The following TEK variants were observed in gnomAD, a reference collection of about 807,000 sequenced individuals.
The protein encoded by TEK is angiopoietin-1 receptor.
In TEK, 43 loss-of-function variants were observed where a neutral mutation model predicts 131.8. The ratio of observed to expected loss-of-function variants is 0.33; its 90% CI spans 0.26 to 0.42. The LOEUF is 0.42. Ranked by LOEUF, TEK falls within the 10% of genes least tolerant of loss-of-function variation. The pLI, the probability that TEK is intolerant of heterozygous loss-of-function variation, is 1.00. For synonymous variants in TEK, 580 were observed against 491.6 expected, an observed-to-expected ratio of 1.18 and a Z score of -2.38; for missense variants, 1,162 against 1,384.4, an observed-to-expected ratio of 0.84 and a Z score of 2.55.
chr9:27,139,574 T>C (rs942442777), intron 1 of TEK, among the ~76,000 whole-genome samples: 2 of 152,030 alleles, frequency 1.3e-5, no homozygotes, highest in African/African-American at 4.8e-5. Context: ...TCCGCCCACC[T>C]CGGCCTCCCA....
At chr9:27,218,020 G>A (rs1825884054) in intron 19 of TEK, among the ~76,000 whole-genome samples, 1 of 151,656 alleles carries the variant, frequency 6.6e-6, no homozygotes. Context: ...GCGAATTCTC[G>A]GACTCAACAG....
In TEK at chr9:27,197,501, A is replaced by G; in HGVS notation, c.1811A>G (p.Asn604Ser). Reference protein sequence around the residue: ...PGNLTSVLLNNLHPREQYVVR... With the variant: ...PGNLTSVLLNSLHPREQYVVR... ...AACTTGACTTCGGTGCTACTTAACA[A>G]CTTACATCCCAGGGAGCAGTACGTG... Residue 604 changes from asparagine to serine, a missense_variant, in exon 12 of 23, where the codon AAC (asparagine) becomes AGC (serine). Around this residue, in one of 6 missense-constraint regions of TEK, gnomAD observed 477 missense variants for 471.0 expected, o/e 1.01. Transcript: ENST00000380036. 6.2e-7 allele frequency: 1 copy of G among 1,614,096 alleles called. No homozygotes were observed. Among genetic ancestry groups the G allele is most frequent in the Non-Finnish European group, 8.5e-7 (1 of 1,180,000 alleles).
At chr9:27,146,718 C>CTTTTTTTT (rs1423361120) in intron 1 of TEK, among the ~76,000 whole-genome samples, 1 of 129,718 alleles carries the variant, frequency 7.7e-6, no homozygotes, top group African/African-American at 2.9e-5. Context: ...TATAAACATT[C>CTTTTTTTT]TATTTTTTTT....
In TEK at chr9:27,121,291, A is replaced by G. The variant is rs1821776083; in HGVS notation, c.52+11649A>G. Among the ~76,000 whole-genome samples, 6 of 152,216 alleles carry G rather than the reference A, an allele frequency of 3.9e-5. No homozygotes were observed. The South Asian group carries it at 6.2e-4, about 16-fold the overall frequency. On this transcript the variant is annotated intron_variant, in intron 1 of 22. Transcript: ENST00000380036. ...CAGTGAGCTGAGATCGTGCCATTGC[A>G]CTTCAGCCTGGGCGACAAGAGTGAA...
At chr9:27,128,378 G>A (rs1034142843) in intron 1 of TEK, among the ~76,000 whole-genome samples, 9 of 152,010 alleles carry the variant, frequency 5.9e-5, no homozygotes, top group Non-Finnish European at 1.0e-4. Flanking sequence ...TGGTTACTGT[G>A]GACTTGTAGT....
chr9:27,161,439 G>A lies in TEK; in HGVS notation c.364+3297G>A, dbSNP rs371129423. On this transcript the variant is annotated intron_variant, in intron 2 of 22. Transcript: ENST00000380036. Reference sequence around the variant, plus strand: ...AGAAGCATCGATTTACACAGTGAACGTTGTCCCTAAAAGCTTAGGTAAAGC... The same window carrying A: ...AGAAGCATCGATTTACACAGTGAACATTGTCCCTAAAAGCTTAGGTAAAGC... Among the ~76,000 whole-genome samples the A allele has an allele frequency of 1.5e-4, 23 of 152,304 alleles. No individual in the cohort carries two copies. The Middle Eastern group carries it at 0.014, about 90-fold the overall frequency.
At chr9:27,110,074 G>A (rs1228039845) in intron 1 of TEK, among the ~76,000 whole-genome samples, 1 of 151,794 alleles carries the variant, frequency 6.6e-6, no homozygotes, top group African/African-American at 2.4e-5. Context: ...AATTAAGGCA[G>A]TGTATAGATT....
At chr9:27,177,413 T>C (rs1824209818) in intron 6 of TEK, among the ~76,000 whole-genome samples, 1 of 152,166 alleles carries the variant, frequency 6.6e-6, no homozygotes, top group South Asian at 2.1e-4. Context: ...ATCAGTGAGG[T>C]TGAGTATTTT....
chr9:27,173,601 G>A (rs531114294), intron 6 of TEK, among the ~76,000 whole-genome samples: 2 of 152,224 alleles, frequency 1.3e-5, no homozygotes, highest in African/African-American at 4.8e-5. Context: ...ACTAAAGCAC[G>A]GATTCTGATT....
At chr9:27,174,350 T>C (rs1824084205) in intron 6 of TEK, among the ~76,000 whole-genome samples, 1 of 152,124 alleles carries the variant, frequency 6.6e-6, no homozygotes, top group African/African-American at 2.4e-5. Context: ...GGCAGAGCAG[T>C]TCAGTAGAAA....
At position 27,213,561 on chromosome 9, in the gene TEK, G is replaced by A. The variant is rs762142338; in HGVS notation, c.2955G>A (p.Leu985=). ...TGGCAAAAATAGCAGATTTTGGATTGTCCCGAGGTCAAGAGGTGTATGTGA... is the reference window on the plus strand; with the variant it reads ...TGGCAAAAATAGCAGATTTTGGATTATCCCGAGGTCAAGAGGTGTATGTGA... ...NYVAKIADFG[L]SRGQEVYVKK... Residue 985 remains leucine, a synonymous_variant, in exon 18 of 23, where the codon TTG becomes TTA. Coordinates refer to ENST00000380036, the MANE Select transcript of TEK (RefSeq NM_000459.5). 3.1e-6 allele frequency: 5 copies of A among 1,613,770 alleles called. No homozygotes were observed. The highest frequency in any genetic ancestry group is 4.2e-6 in the Non-Finnish European group (5 of 1,179,852).
intron 12 of TEK, 74 bp from the exon 13 acceptor site, chr9:27,202,746 T>C: frequency 6.7e-7 from 1 of 1,499,230 alleles, no homozygotes; most frequent in Non-Finnish European, 9.3e-7. Context: ...TGACATGAAC[T>C]CTATCTCAAA....
intron 21 of TEK, among the ~76,000 whole-genome samples, chr9:27,223,138 G>T (rs557847921): frequency 6.6e-6 from 1 of 151,312 alleles, no homozygotes; most frequent in South Asian, 2.1e-4. Context: ...AGTTCTTAGA[G>T]AACTGCAAAG....
chr9:27,176,965 T>C (rs2131157653), intron 6 of TEK, among the ~76,000 whole-genome samples: 1 of 152,334 alleles, frequency 6.6e-6, no homozygotes, highest in Non-Finnish European at 1.5e-5. Flanking sequence ...CTGGCTTATT[T>C]CACTTAGCAT....
intron 16 of TEK, among the ~76,000 whole-genome samples, chr9:27,211,513 C>T (rs1825631753): frequency 7.2e-6 from 1 of 138,072 alleles, no homozygotes; most frequent in African/African-American, 2.7e-5. Context: ...AGTGCAGTAG[C>T]ACGATGTCAG....
At chr9:27,162,823 C>T (rs1823591740) in intron 2 of TEK, among the ~76,000 whole-genome samples, 1 of 152,028 alleles carries the variant, frequency 6.6e-6, no homozygotes, top group African/African-American at 2.4e-5. Context: ...TCAAGTGATT[C>T]TCCTGCCTCA....
intron 1 of TEK, among the ~76,000 whole-genome samples, chr9:27,148,687 A>G (rs979168673): frequency 6.6e-6 from 1 of 152,264 alleles, no homozygotes. Context: ...CCACTTCTTG[A>G]TGGAATGAAA....
intron 9 of TEK, among the ~76,000 whole-genome samples, chr9:27,186,013 A>T (rs533039089): frequency 6.6e-6 from 1 of 152,230 alleles, no homozygotes; most frequent in East Asian, 1.9e-4. Flanking sequence ...GGTAGTGATT[A>T]TATTTCACAA....
intron 10 of TEK, 40 bp from the exon 11 acceptor site, chr9:27,192,449 G>T (rs1824855331): frequency 7.4e-6 from 12 of 1,613,086 alleles, no homozygotes; most frequent in Non-Finnish European, 1.0e-5. Flanking sequence ...GAATGTAAGA[G>T]AATGCCAACT....
Sources: allele counts gnomAD v4.1 joint callset (sites outside exome capture counted in the v4.1 genomes callset), GRCh38; gene constraint gnomAD v4.1.1; regional missense constraint gnomAD v4.1.1; transcripts MANE v1.5; gene names NCBI Gene and HGNC (gene_info 2026-07-23, HGNC 2026-07-21).